Variants in COL4A4 observed in about 807,000 individuals in gnomAD.
COL4A4 encodes collagen alpha-4(IV) chain.
COL4A4 carries 105 observed loss-of-function variants against 192.9 expected under a neutral mutation model. That is an observed-to-expected ratio of 0.54 (90% CI 0.46 to 0.64). COL4A4 has a LOEUF of 0.64. Ranked by LOEUF, COL4A4 falls within the 30% of genes least tolerant of loss-of-function variation. The pLI, the probability that COL4A4 is intolerant of heterozygous loss-of-function variation, is 0.00. For synonymous variants in COL4A4, 762 were observed against 769.9 expected, an observed-to-expected ratio of 0.99 and a Z score of 0.17; for missense variants, 1,967 against 2,169.3, an observed-to-expected ratio of 0.91 and a Z score of 1.85.
chr2:227,046,452 C>G (rs1326383358), intron 35 of COL4A4, among the ~76,000 whole-genome samples: 1 of 151,868 alleles, frequency 6.6e-6, no homozygotes, highest in Non-Finnish European at 1.5e-5. Flanking sequence ...CTTATTTAAC[C>G]AGGCATCTGT....
intron 44 of COL4A4, among the ~76,000 whole-genome samples, chr2:227,013,017 C>T (rs1405589774): frequency 1.3e-5 from 2 of 152,188 alleles, no homozygotes; most frequent in Non-Finnish European, 2.9e-5. Context: ...CCACCAGACC[C>T]TGCGCCTGAC....
chr2:227,140,234 C>T lies in COL4A4; in HGVS notation c.119G>A (p.Gly40Glu), dbSNP rs370128179. Reference protein sequence around the residue: ...LFSVQYVYGSGKKYIGPCGGR... With the variant: ...LFSVQYVYGSEKKYIGPCGGR... ...TCCACAAGGACCAATGTATTTCTTT[C>T]CACTCTGGAAAGTGAAGCATCTTAT... Residue 40 changes from glycine (G) to glutamate (E), a missense_variant, in exon 4 of 48, where the codon GGA becomes GAA. Physicochemically the swap from Gly to Glu is moderately conservative, Grantham distance 98. Transcript: ENST00000396625. 3.1e-6 allele frequency: 5 copies of T among 1,613,864 alleles called. No individual in the cohort carries two copies. The African/African-American group carries it at 6.7e-5, about 22-fold the overall frequency.
Position 227,007,159 on chromosome 2 carries a change from T to C in COL4A4, c.*166A>G, listed in dbSNP as rs911165779. ...ACAAATCCATCTGTGCAGCATTTGC[T>C]TAATGTGTAAGGAACCAGAGGACTC... On this transcript the variant is annotated 3_prime_UTR_variant, in exon 48 of 48. Transcript: ENST00000396625. The C allele has an allele frequency of 5.4e-5, 51 of 949,278 alleles. No individual in the cohort carries two copies. Among genetic ancestry groups the C allele is most frequent in the Middle Eastern group, 4.3e-4 (2 of 4,622 alleles). 58.8% of individuals were successfully genotyped at this position (949,278 alleles called of 1,614,324 possible).
intron 27 of COL4A4, 21 bp from the exon 28 acceptor site, chr2:227,059,644 A>ATT (rs200590191): frequency 3.5e-5 from 54 of 1,563,622 alleles, no homozygotes; most frequent in Non-Finnish European, 4.6e-5. Context: ...ACAAAAAAAA[A>ATT]TTTTTAATGA....
At chr2:227,154,373 C>T (rs183790339) in intron 1 of COL4A4, among the ~76,000 whole-genome samples, 6 of 152,180 alleles carry the variant, frequency 3.9e-5, no homozygotes, top group African/African-American at 1.4e-4. Flanking sequence ...ACAAATACAC[C>T]CTGCTGGGGT....
At position 227,142,117 on chromosome 2, in the gene COL4A4, A is replaced by G. The variant is rs2063257166; in HGVS notation, c.115-1879T>C. Among the ~76,000 whole-genome samples the G allele has an allele frequency of 2.1e-5, 3 of 143,862 alleles. No homozygotes were observed. The South Asian group carries it at 6.4e-4, about 31-fold the overall frequency. 94.4% of individuals were successfully genotyped at this position (143,862 alleles called of 152,430 possible). The stretch of plus-strand genomic sequence containing the variant: ...AGATTCAAAAAAAAAAAAAAAAAAA[A>G]ACAGGAATAGTCACATATCAAGGTT... On this transcript the variant is annotated intron_variant, in intron 3 of 47. Transcript: ENST00000396625.
chr2:227,059,839 C>T (rs1238841450), intron 27 of COL4A4, among the ~76,000 whole-genome samples: 1 of 152,108 alleles, frequency 6.6e-6, no homozygotes, highest in African/African-American at 2.4e-5. Flanking sequence ...TCCCTAATTG[C>T]TTTCCTTCTC....
the COL4A4 span, chr2:226,997,117 T>C: frequency 6.6e-6 from 1 of 152,230 alleles, no homozygotes; most frequent in East Asian, 1.9e-4. Context: ...AGAAAACCAC[T>C]GGAGCCTTGG....
At chr2:227,128,863 T>C (rs1576722260) in intron 4 of COL4A4, among the ~76,000 whole-genome samples, 2 of 152,114 alleles carry the variant, frequency 1.3e-5, no homozygotes, top group South Asian at 2.1e-4. Flanking sequence ...CCTGGTGTCA[T>C]TGCTTTCACC....
chr2:227,095,811 C>T (rs961075655), intron 19 of COL4A4, among the ~76,000 whole-genome samples: 1 of 152,188 alleles, frequency 6.6e-6, no homozygotes, highest in Non-Finnish European at 1.5e-5. Flanking sequence ...AGGAGAATCG[C>T]TTGAACCTGA....
intron 44 of COL4A4, among the ~76,000 whole-genome samples, chr2:227,017,085 A>T (rs1965043174): frequency 6.6e-6 from 1 of 152,178 alleles, no homozygotes; most frequent in Non-Finnish European, 1.5e-5. Context: ...GATGATTCCA[A>T]CATGCAATAT....
downstream of COL4A4, among the ~76,000 whole-genome samples, chr2:227,002,509 GCTTTC>G (rs965220341): frequency 2.6e-5 from 4 of 152,228 alleles, no homozygotes; most frequent in African/African-American, 9.6e-5. Flanking sequence ...CCTGAGGCCT[GCTTTC>G]ATTTCTCTTC....
rs1440625747 is a variant in COL4A4, at chr2:227,046,531, A to G, written c.3289+944T>C. ...TGCATCTTTGTACACTTGTCTGATTACTGACTCCAGATAAATTCCTAAGAG... is the reference window on the plus strand; with the variant it reads ...TGCATCTTTGTACACTTGTCTGATTGCTGACTCCAGATAAATTCCTAAGAG... On this transcript the variant is annotated intron_variant, in intron 35 of 47. Transcript: ENST00000396625. 1.3e-5 allele frequency among the ~76,000 whole-genome samples: 2 copies of G among 152,036 alleles called. 1 individual carries two copies. The highest frequency in any genetic ancestry group is 4.8e-5 in the African/African-American group (2 of 41,280).
At chr2:227,125,127 A>T (rs1253215505) in intron 4 of COL4A4, among the ~76,000 whole-genome samples, 1 of 152,246 alleles carries the variant, frequency 6.6e-6, no homozygotes, top group Non-Finnish European at 1.5e-5. Flanking sequence ...TATTTAACAC[A>T]ACAGTTAAGA....
chr2:227,076,062 C>T (rs2059009274), intron 25 of COL4A4, among the ~76,000 whole-genome samples: 1 of 152,018 alleles, frequency 6.6e-6, no homozygotes, highest in South Asian at 2.1e-4. Flanking sequence ...CCATACTGCC[C>T]AAAGTAATTT....
In COL4A4 at chr2:227,077,997, C is replaced by T. The variant is rs761646265; in HGVS notation, c.1884G>A (p.Gly628=). The T allele has an allele frequency of 9.9e-6, 16 of 1,613,734 alleles. No homozygotes were observed. The highest frequency in any genetic ancestry group is 6.8e-6 in the Non-Finnish European group (8 of 1,179,992). Residue 628 remains glycine (G), a synonymous_variant, in exon 25 of 48, where the codon GGG becomes GGA. Coordinates refer to ENST00000396625, the MANE Select transcript of COL4A4 (RefSeq NM_000092.5). ...LGPPGKAGPV[G]PPGLGFPGPP... is the part of the protein sequence containing the mutation. ...GACCAGGAAATCCCAGTCCTGGGGG[C>T]CCCACAGGTCCTGCTTTGCCTGGGG...
At chr2:227,120,725 G>T in intron 5 of COL4A4, 1 of 349,442 alleles carries the variant, frequency 2.9e-6, no homozygotes, top group Non-Finnish European at 5.5e-6. Flanking sequence ...ATCACTTGAG[G>T]TCAGGAGTTC....
chr2:227,151,553 GA>G (rs59058364), intron 1 of COL4A4, among the ~76,000 whole-genome samples: 76,107 of 151,966 alleles, frequency 0.5, 19,356 homozygotes, highest in South Asian at 0.59. Context: ...AGTTGTGAAT[GA>G]AAAAAATGTG....
At chr2:227,078,863 C>T (rs894470764) in intron 24 of COL4A4, among the ~76,000 whole-genome samples, 1 of 152,168 alleles carries the variant, frequency 6.6e-6, no homozygotes, top group Non-Finnish European at 1.5e-5. Flanking sequence ...TGGTTCTGTT[C>T]CTCTGATAAA....
Sources: allele counts gnomAD v4.1 joint callset (sites outside exome capture counted in the v4.1 genomes callset), GRCh38; gene constraint gnomAD v4.1.1; transcripts MANE v1.5; gene names NCBI Gene and HGNC (gene_info 2026-07-23, HGNC 2026-07-21).